EYS: variants seen among roughly 807,000 people sequenced by gnomAD.
The protein encoded by EYS is EGF-like photoreceptor maintenance factor, also known as protein eyes shut homolog.
A neutral mutation model predicts 282.1 loss-of-function variants in EYS; 250 were observed. The ratio of observed to expected loss-of-function variants is 0.89; its 90% CI spans 0.80 to 0.98. EYS has a LOEUF of 0.98. EYS is among the 50% of genes least tolerant of loss of function. EYS has a pLI of 0.00. For synonymous variants in EYS, 1,355 were observed against 1,282.9 expected (o/e 1.06, Z -1.20); for missense variants, 4,016 against 3,709.0 (o/e 1.08, Z -2.15).
chr6:65,654,617 T>C (rs1039071488), intron 1 of EYS, among the ~76,000 whole-genome samples: 1 of 151,702 alleles, frequency 6.6e-6, no homozygotes, highest in Non-Finnish European at 1.5e-5. Flanking sequence ...GTACTGGGTG[T>C]CAAAAGGTTA....
chr6:65,278,224 T>C (rs1463761802), intron 12 of EYS, among the ~76,000 whole-genome samples: 2 of 123,992 alleles, frequency 1.6e-5, no homozygotes, highest in Non-Finnish European at 3.6e-5. Flanking sequence ...GGCTGCTTGT[T>C]AACCTGCATA....
In EYS at chr6:64,390,310, C is replaced by T. The variant is rs188191984; in HGVS notation, c.5928-1470G>A. ...GCCGGTCTGCCTCTGTAGGCTCCAC[C>T]TCTGGGGGCAGGGCACGGACAAACA... On this transcript the variant is annotated intron_variant, in intron 28 of 42. Transcript: ENST00000503581. 4.0e-3 allele frequency among the ~76,000 whole-genome samples: 606 copies of T among 152,284 alleles called. 3 individuals are homozygous for T. Among genetic ancestry groups the T allele is most frequent in the African/African-American group, 0.014 (571 of 41,558 alleles).
intron 8 of EYS, among the ~76,000 whole-genome samples, chr6:65,374,465 G>A (rs1286581978): frequency 6.6e-6 from 1 of 151,584 alleles, no homozygotes; most frequent in Non-Finnish European, 1.5e-5. Context: ...GCACAAAACT[G>A]GGAGGCTGTT....
chr6:64,192,610 G>C (rs1280077666), intron 31 of EYS, among the ~76,000 whole-genome samples: 1 of 152,060 alleles, frequency 6.6e-6, no homozygotes, highest in Non-Finnish European at 1.5e-5. Flanking sequence ...AATGGTGCTG[G>C]GAAAACTGGC....
chr6:65,147,394 T>C (rs918720586), intron 12 of EYS, among the ~76,000 whole-genome samples: 1 of 152,048 alleles, frequency 6.6e-6, no homozygotes, highest in African/African-American at 2.4e-5. Flanking sequence ...ATAAGAGGGA[T>C]ATTAGAATTT....
chr6:64,663,748 T>C (rs1769127859), intron 22 of EYS, among the ~76,000 whole-genome samples: 1 of 152,048 alleles, frequency 6.6e-6, no homozygotes, highest in African/African-American at 2.4e-5. Flanking sequence ...TAGCAGCGGG[T>C]CTTTGCTCCC....
intron 11 of EYS, 93 bp downstream of exon 11, chr6:65,334,887 A>C: frequency 3.3e-6 from 4 of 1,230,722 alleles, no homozygotes; most frequent in South Asian, 2.5e-5. Flanking sequence ...TTAATCAACA[A>C]AAACATTGTT....
intron 29 of EYS, among the ~76,000 whole-genome samples, chr6:64,309,892 G>A (rs746197479): frequency 1.3e-5 from 2 of 151,344 alleles, no homozygotes; most frequent in Non-Finnish European, 2.9e-5. Flanking sequence ...TTAAACCTTG[G>A]AGGAGGAGGT....
At chr6:64,691,292 A>T (rs1770373265) in intron 22 of EYS, among the ~76,000 whole-genome samples, 1 of 152,184 alleles carries the variant, frequency 6.6e-6, no homozygotes, top group Non-Finnish European at 1.5e-5. Context: ...TACAAGTCTT[A>T]GTCAGTATAA....
intron 30 of EYS, among the ~76,000 whole-genome samples, chr6:64,286,846 A>C (rs1228757349): frequency 1.3e-5 from 2 of 152,176 alleles, no homozygotes; most frequent in African/African-American, 4.8e-5. Flanking sequence ...AATCAAGCAA[A>C]CTATCAGTTT....
At chr6:65,275,954 G>A (rs1347330884) in intron 12 of EYS, among the ~76,000 whole-genome samples, 1 of 151,986 alleles carries the variant, frequency 6.6e-6, no homozygotes, top group Non-Finnish European at 1.5e-5. Flanking sequence ...CACCATCATG[G>A]TATTCCACAT....
chr6:65,413,809 T>C (rs1388653806), intron 5 of EYS, among the ~76,000 whole-genome samples: 1 of 151,922 alleles, frequency 6.6e-6, no homozygotes, highest in Non-Finnish European at 1.5e-5. Flanking sequence ...TGAGCCGAGA[T>C]TGCGCCACTG....
chr6:63,778,991 A>T (rs2149664786), intron 39 of EYS: 1 of 151,942 alleles, frequency 6.6e-6, no homozygotes, highest in African/African-American at 2.4e-5. Flanking sequence ...TCCTTATATA[A>T]TGAGGACATT....
At chr6:63,973,267 A>G (rs758521246) in intron 35 of EYS, among the ~76,000 whole-genome samples, 13 of 152,108 alleles carry the variant, frequency 8.5e-5, no homozygotes, top group Admixed American at 2.0e-4. Flanking sequence ...ATGAGATGGT[A>G]TCTCATTGTG....
chr6:65,638,723 C>T (rs984280586), intron 2 of EYS, among the ~76,000 whole-genome samples: 1 of 152,220 alleles, frequency 6.6e-6, no homozygotes, highest in Non-Finnish European at 1.5e-5. Context: ...ACCCCACGCT[C>T]ACTTTCTCAC....
chr6:65,574,889 T>C (rs1353721036), intron 2 of EYS, among the ~76,000 whole-genome samples: 1 of 152,148 alleles, frequency 6.6e-6, no homozygotes, highest in Non-Finnish European at 1.5e-5. Flanking sequence ...TCTTAACAAA[T>C]TTAAGAAGAT....
At chr6:64,333,551 G>C (rs1770719843) in intron 29 of EYS, among the ~76,000 whole-genome samples, 1 of 152,116 alleles carries the variant, frequency 6.6e-6, no homozygotes, top group Non-Finnish European at 1.5e-5. Flanking sequence ...AAGATAGGGT[G>C]CACAACTGGA....
At chr6:64,330,945 G>A (rs1369408243) in intron 29 of EYS, among the ~76,000 whole-genome samples, 1 of 152,134 alleles carries the variant, frequency 6.6e-6, no homozygotes, top group East Asian at 1.9e-4. Flanking sequence ...AGTGGATGAG[G>A]TTTTCTCAAG....
At chr6:64,511,803 T>G (rs1777411121) in intron 26 of EYS, among the ~76,000 whole-genome samples, 1 of 143,796 alleles carries the variant, frequency 7.0e-6, no homozygotes, top group Non-Finnish European at 1.5e-5. Context: ...GATTTAGCCA[T>G]TAGATACTAA....
Sources: gnomAD v4.1 joint callset for allele counts (sites outside exome capture counted in the v4.1 genomes callset) on GRCh38, gnomAD v4.1.1 for gene constraint, MANE v1.5 for transcripts, NCBI Gene and HGNC (gene_info 2026-07-23, HGNC 2026-07-21) for gene names.